Variants in PTPRN2 observed in about 807,000 individuals in gnomAD.
The protein encoded by PTPRN2 is protein tyrosine phosphatase receptor type N2, also known as receptor-type tyrosine-protein phosphatase N2.
A neutral mutation model predicts 118.8 loss-of-function variants in PTPRN2; 74 were observed. The ratio of observed to expected loss-of-function variants is 0.62; its 90% CI spans 0.52 to 0.76. The LOEUF (loss-of-function observed/expected upper bound fraction) is 0.76, where lower values mean the gene tolerates loss of function less well. Ranked by LOEUF, PTPRN2 falls within the 30% of genes least tolerant of loss-of-function variation. The pLI is 0.00. For missense variants in PTPRN2, 1,481 were observed against 1,394.4 expected (o/e 1.06, Z -0.99); for synonymous variants, 641 against 608.0 (o/e 1.05, Z -0.80).
chr7:157,611,520 G>A lies in PTPRN2; in HGVS notation c.2345-7445C>T, dbSNP rs1331492309. ...GCACCAGGTCCCAGGGTTGAGCTGCGTACCCTCCCCCAAAAAGACACACTG... is the reference window on the plus strand; with the variant it reads ...GCACCAGGTCCCAGGGTTGAGCTGCATACCCTCCCCCAAAAAGACACACTG... On this transcript the variant is annotated intron_variant, in intron 15 of 22. Transcript: ENST00000389418. The surrounding 1 kb of genome is among the most constrained non-coding windows in gnomAD (Gnocchi z 5.9). 1.3e-5 allele frequency among the ~76,000 whole-genome samples: 2 copies of A among 152,176 alleles called. No individual in the cohort carries two copies. The highest frequency in any genetic ancestry group is 2.1e-4 in the South Asian group (1 of 4,822).
At chr7:158,199,983 T>G (rs1469979344) in intron 4 of PTPRN2, among the ~76,000 whole-genome samples, 1 of 152,000 alleles carries the variant, frequency 6.6e-6, no homozygotes, top group Non-Finnish European at 1.5e-5. Context: ...TGGCCACAAA[T>G]TAAATCCAAA....
intron 9 of PTPRN2, among the ~76,000 whole-genome samples, chr7:158,122,759 T>C (rs1186353052): frequency 2.6e-5 from 4 of 152,114 alleles, no homozygotes; most frequent in African/African-American, 4.8e-5. Context: ...GGAGAAAAGC[T>C]CAAACGGAAC....
chr7:158,577,139 C>A (rs113471821), intron 1 of PTPRN2, among the ~76,000 whole-genome samples: 486 of 131,692 alleles, frequency 3.7e-3, no homozygotes, highest in African/African-American at 0.014. Flanking sequence ...TCCTGAATGC[C>A]ACAGACAGCA....
At chr7:158,261,082 C>T (rs911375513) in intron 3 of PTPRN2, among the ~76,000 whole-genome samples, 4 of 152,098 alleles carry the variant, frequency 2.6e-5, no homozygotes, top group African/African-American at 4.8e-5. Flanking sequence ...GCAAGGGGGG[C>T]GTGAGGCTCC....
intron 11 of PTPRN2, among the ~76,000 whole-genome samples, chr7:158,014,318 C>G (rs1237189044): frequency 3.3e-5 from 5 of 151,122 alleles, no homozygotes; most frequent in Non-Finnish European, 5.9e-5. Context: ...ATCCACCCAT[C>G]CATCCCTCAT....
intron 9 of PTPRN2, among the ~76,000 whole-genome samples, chr7:158,132,578 T>C (rs1281645262): frequency 1.5e-5 from 2 of 132,538 alleles, no homozygotes; most frequent in East Asian, 2.3e-4. Context: ...AACACTCATA[T>C]AGACACATGC....
intron 19 of PTPRN2, among the ~76,000 whole-genome samples, chr7:157,572,730 C>T (rs934096041): frequency 6.6e-6 from 1 of 152,226 alleles, no homozygotes; most frequent in Admixed American, 6.5e-5. Context: ...CTGGACTCGG[C>T]GTGCCCACCT....
At position 157,974,536 on chromosome 7, in the gene PTPRN2, T is replaced by TG. The variant is rs533237605; in HGVS notation, c.1724-75800dup. 1.5e-3 allele frequency among the ~76,000 whole-genome samples: 225 copies of TG among 152,162 alleles called. 1 individual carries two copies. Among genetic ancestry groups the TG allele is most frequent in the African/African-American group, 5.0e-3 (208 of 41,506 alleles). ...CGGTCCTGCCATGGGACGATGTGAC[T>TG]GGGGGCTCGTCCATGCCTTGTCGTG... On this transcript the variant is annotated intron_variant, in intron 11 of 22. Coordinates refer to ENST00000389418, the MANE Select transcript of PTPRN2 (RefSeq NM_002847.5). This position sits in a 1 kb window ranked among gnomAD's most constrained non-coding sequence, Gnocchi z 4.0.
chr7:157,703,436 G>A (rs995406885), intron 12 of PTPRN2, among the ~76,000 whole-genome samples: 2 of 152,162 alleles, frequency 1.3e-5, no homozygotes, highest in African/African-American at 4.8e-5. Flanking sequence ...CTATAGGGAC[G>A]CAGCTGGAAC....
chr7:158,393,330 T>C (rs894027193), intron 2 of PTPRN2, among the ~76,000 whole-genome samples: 3 of 152,206 alleles, frequency 2.0e-5, no homozygotes, highest in African/African-American at 7.2e-5. Flanking sequence ...CCACGAACAC[T>C]GAAGGAAAAT....
intron 6 of PTPRN2, among the ~76,000 whole-genome samples, chr7:158,146,308 C>A (rs531123998): frequency 1.3e-5 from 2 of 152,188 alleles, no homozygotes; most frequent in South Asian, 2.1e-4. Context: ...AAAATATGAA[C>A]CTCTCATTAA....
chr7:157,835,031 A>C (rs1242395829), intron 12 of PTPRN2, among the ~76,000 whole-genome samples: 7 of 152,212 alleles, frequency 4.6e-5, no homozygotes, highest in Non-Finnish European at 8.8e-5. Flanking sequence ...TCAGGAAAAG[A>C]AGCTGGATAG....
intron 11 of PTPRN2, among the ~76,000 whole-genome samples, chr7:157,976,404 A>G (rs1046947633): frequency 4.6e-5 from 7 of 151,868 alleles, no homozygotes; most frequent in African/African-American, 1.7e-4. Context: ...TGTTCTCTTT[A>G]TTGTTCAGTT....
intron 11 of PTPRN2, among the ~76,000 whole-genome samples, chr7:158,066,557 C>T (rs903090325): frequency 4.6e-5 from 7 of 152,066 alleles, no homozygotes; most frequent in Non-Finnish European, 7.4e-5. Context: ...TACAAAACAC[C>T]GTGGAGAAAT....
chr7:157,946,112 T>C (rs2128796582), intron 11 of PTPRN2, among the ~76,000 whole-genome samples: 1 of 152,324 alleles, frequency 6.6e-6, no homozygotes, highest in Non-Finnish European at 1.5e-5. Context: ...ACTTTGCCTC[T>C]TGTCTTGAGG....
intron 12 of PTPRN2, among the ~76,000 whole-genome samples, chr7:157,692,104 AGTTTCTCCTTTTCTG>A (rs1797530786): frequency 6.6e-6 from 1 of 152,156 alleles, no homozygotes; most frequent in African/African-American, 2.4e-5. Context: ...AGGGCTCTTT[AGTTTCTCCTTTTCTG>A]GAAACCCCAG....
intron 2 of PTPRN2, among the ~76,000 whole-genome samples, chr7:158,337,433 A>T (rs1259458686): frequency 3.7e-5 from 5 of 135,156 alleles, no homozygotes; most frequent in African/African-American, 8.5e-5. Context: ...TCACCATAAG[A>T]GGTGACACCC....
intron 2 of PTPRN2, among the ~76,000 whole-genome samples, chr7:158,457,584 G>GGTGCT (rs1270817542): frequency 1.1e-5 from 1 of 90,984 alleles, no homozygotes; most frequent in Non-Finnish European, 2.3e-5. Flanking sequence ...CATTAGCAAA[G>GGTGCT]GTGCTACCTC....
chr7:158,046,518 G>C (rs1808890060), intron 11 of PTPRN2, among the ~76,000 whole-genome samples: 1 of 152,174 alleles, frequency 6.6e-6, no homozygotes, highest in African/African-American at 2.4e-5. Flanking sequence ...TGCCCTTCAG[G>C]GACTGAGGCA....
Sources: gnomAD v4.1 joint callset for allele counts (sites outside exome capture counted in the v4.1 genomes callset) on GRCh38, gnomAD v4.1.1 for gene constraint, Gnocchi (gnomAD v3.1) non-coding constraint, MANE v1.5 for transcripts, NCBI Gene and HGNC (gene_info 2026-07-23, HGNC 2026-07-21) for gene names.